Variants in ELAVL2 observed in about 807,000 individuals in gnomAD.
ELAVL2 encodes ELAV-like protein 2.
A neutral mutation model predicts 34.6 loss-of-function variants in ELAVL2; 4 were observed. That is an observed-to-expected ratio of 0.12 (90% CI 0.06 to 0.26). The LOEUF (loss-of-function observed/expected upper bound fraction) is 0.26. Among genes scored for constraint, ELAVL2 ranks in the 10% least tolerant of loss-of-function variants. ELAVL2 has a pLI of 1.00. For missense variants in ELAVL2, 432 were observed against 442.8 expected (o/e 0.98, Z 0.22); for synonymous variants, 193 against 154.8 (o/e 1.25, Z -1.83).
At chr9:23,838,410 TAAAG>T in the ELAVL2 span, among the ~76,000 whole-genome samples, 10 of 152,024 alleles carry the variant, frequency 6.6e-5, no homozygotes, top group African/African-American at 1.4e-4. Context: ...ACAACTTAGA[TAAAG>T]AGAGAGGTCA....
chr9:23,796,051 T>G (rs192366348), intron 1 of ELAVL2, among the ~76,000 whole-genome samples: 1,945 of 152,360 alleles, frequency 0.013, 15 homozygotes, highest in Non-Finnish European at 0.021. Flanking sequence ...GACCTTCAAT[T>G]GTTTCTTAAT....
chr9:23,712,363 T>G (rs573892676), intron 3 of ELAVL2, among the ~76,000 whole-genome samples: 1 of 152,104 alleles, frequency 6.6e-6, no homozygotes, highest in Non-Finnish European at 1.5e-5. Flanking sequence ...CAAGGAGACA[T>G]CAGAAGAGCT....
At chr9:23,823,810 C>T (rs562143582) in intron 1 of ELAVL2, among the ~76,000 whole-genome samples, 1 of 152,176 alleles carries the variant, frequency 6.6e-6, no homozygotes, top group Admixed American at 6.5e-5. Flanking sequence ...AAAATAATTT[C>T]TTTAGTTACT....
chr9:23,747,629 A>C (rs2050824866), intron 2 of ELAVL2, among the ~76,000 whole-genome samples: 1 of 152,180 alleles, frequency 6.6e-6, no homozygotes, highest in South Asian at 2.1e-4. Flanking sequence ...AGGCTTTTGG[A>C]AACTCCCTAC....
chr9:23,823,079 C>A (rs1373192261), intron 1 of ELAVL2, among the ~76,000 whole-genome samples: 1 of 152,214 alleles, frequency 6.6e-6, no homozygotes, highest in Non-Finnish European at 1.5e-5. Context: ...TTGTGCGACC[C>A]AGTCTGGGGA....
At chr9:23,753,299 T>C (rs1031285672) in intron 2 of ELAVL2, among the ~76,000 whole-genome samples, 3 of 152,086 alleles carry the variant, frequency 2.0e-5, no homozygotes, top group African/African-American at 7.2e-5. Flanking sequence ...TCAAAAGAAG[T>C]TGGCAAATTT....
In ELAVL2 at chr9:23,762,150, C is replaced by A. The variant is rs768699756; in HGVS notation, c.85G>T (p.Val29Phe). The change falls in exon 2 of 7, where the codon GTT (valine) becomes TTT (phenylalanine). Residue 29 changes from valine to phenylalanine, a missense_variant. Transcript: ENST00000397312. Reference sequence around the variant, plus strand: ...CTGTCTTCTGTGTTCCCAGAGTCAACTGGTGACGAACAGTTGTTGTTTATG... The same window carrying A: ...CTGTCTTCTGTGTTCCCAGAGTCAAATGGTGACGAACAGTTGTTGTTTATG... ...TTINNNCSSP[V>F]DSGNTEDSKT... 6 of 1,613,650 alleles carry A rather than the reference C, an allele frequency of 3.7e-6. No individual in the cohort carries two copies. The highest frequency in any genetic ancestry group is 1.3e-5 in the African/African-American group (1 of 74,996).
At chr9:23,703,751 C>T (rs941545880) in intron 4 of ELAVL2, among the ~76,000 whole-genome samples, 5 of 151,824 alleles carry the variant, frequency 3.3e-5, no homozygotes, top group African/African-American at 7.3e-5. Context: ...ATACGGGTGG[C>T]GGGGAGAGAA....
At chr9:23,700,427 C>G (rs2036777675) in intron 5 of ELAVL2, among the ~76,000 whole-genome samples, 1 of 152,106 alleles carries the variant, frequency 6.6e-6, no homozygotes, top group Admixed American at 6.6e-5. Context: ...TTTGTTATCC[C>G]AGGATCAGAA....
At chr9:23,753,774 A>AC (rs988641737) in intron 2 of ELAVL2, among the ~76,000 whole-genome samples, 1 of 151,812 alleles carries the variant, frequency 6.6e-6, no homozygotes, top group Non-Finnish European at 1.5e-5. Context: ...AACAAAGACT[A>AC]CCCCCCAGAA....
chr9:23,809,204 C>T (rs996187590), intron 1 of ELAVL2, among the ~76,000 whole-genome samples: 3 of 152,090 alleles, frequency 2.0e-5, no homozygotes, highest in Non-Finnish European at 2.9e-5. Context: ...GAGGCACCTG[C>T]TTGAAATATG....
At chr9:23,794,901 AC>A (rs2060730673) in intron 1 of ELAVL2, among the ~76,000 whole-genome samples, 3 of 152,174 alleles carry the variant, frequency 2.0e-5, no homozygotes, top group Admixed American at 2.0e-4. Context: ...TTAGGTATAT[AC>A]AGCTCCTAGA....
At chr9:23,737,106 C>T (rs1044512318) in intron 2 of ELAVL2, among the ~76,000 whole-genome samples, 12 of 152,124 alleles carry the variant, frequency 7.9e-5, no homozygotes, top group Non-Finnish European at 1.8e-4. Context: ...TGTCTGGGGT[C>T]CATTTGGATG....
chr9:23,729,912 C>G (rs963294386), intron 3 of ELAVL2, among the ~76,000 whole-genome samples: 3 of 152,108 alleles, frequency 2.0e-5, no homozygotes, highest in Non-Finnish European at 4.4e-5. Context: ...TTACACAAGT[C>G]TCTAAGCAAG....
chr9:23,701,421 C>T lies in ELAVL2; in HGVS notation c.671G>A (p.Arg224Lys). ...CTGAGCTAGCGGTCCTGGATACCTT[C>T]TGTTTGGAGACTGGTACAGCTGGGA... Reference protein sequence around the residue: ...ILSQLYQSPNRRYPGPLAQQA... With the variant: ...ILSQLYQSPNKRYPGPLAQQA... Residue 224 changes from arginine (R) to lysine (K), a missense_variant, in exon 5 of 7, where the codon AGA becomes AAA. Coordinates refer to ENST00000397312, the MANE Select transcript of ELAVL2 (RefSeq NM_004432.5). The T allele has an allele frequency of 1.2e-6, 2 of 1,614,110 alleles. No individual in the cohort carries two copies. The highest frequency in any genetic ancestry group is 1.7e-6 in the Non-Finnish European group (2 of 1,179,992).
At chr9:23,844,236 G>A in the ELAVL2 span, among the ~76,000 whole-genome samples, 3 of 151,898 alleles carry the variant, frequency 2.0e-5, no homozygotes, top group African/African-American at 7.3e-5. Flanking sequence ...ACCATCTGTT[G>A]ACATCTCTAT....
At chr9:23,791,269 C>T (rs1208775097) in intron 1 of ELAVL2, among the ~76,000 whole-genome samples, 1 of 152,084 alleles carries the variant, frequency 6.6e-6, no homozygotes, top group African/African-American at 2.4e-5. Context: ...GGAGTCTTGA[C>T]CAATCGTAAA....
chr9:23,730,264 G>T (rs2046218159), intron 3 of ELAVL2, among the ~76,000 whole-genome samples: 1 of 152,230 alleles, frequency 6.6e-6, no homozygotes, highest in Non-Finnish European at 1.5e-5. Context: ...ATCTACATAA[G>T]AATTTCAAAG....
At chr9:23,777,055 C>A (rs2058322883) in intron 1 of ELAVL2, among the ~76,000 whole-genome samples, 1 of 152,182 alleles carries the variant, frequency 6.6e-6, no homozygotes, top group African/African-American at 2.4e-5. Context: ...GTACAAGTTT[C>A]TTTAAAAGAA....
Sources: allele counts gnomAD v4.1 joint callset (sites outside exome capture counted in the v4.1 genomes callset), GRCh38; gene constraint gnomAD v4.1.1; transcripts MANE v1.5; gene names NCBI Gene and HGNC (gene_info 2026-07-23, HGNC 2026-07-21).